The following CNOT8 variants were observed in gnomAD, a reference collection of about 807,000 sequenced individuals.
CNOT8 encodes CCR4-NOT transcription complex subunit 8.
A neutral mutation model predicts 34.6 loss-of-function variants in CNOT8; 18 were observed. That is an observed-to-expected ratio of 0.52 (90% CI 0.36 to 0.77). The LOEUF (loss-of-function observed/expected upper bound fraction) is 0.77, where lower values mean the gene tolerates loss of function less well. Among genes scored for constraint, CNOT8 ranks in the 30% least tolerant of loss-of-function variants. The pLI, the probability that CNOT8 is intolerant of heterozygous loss-of-function variation, is 0.00. For missense variants in CNOT8, 189 were observed against 347.9 expected, an observed-to-expected ratio of 0.54 and a Z score of 3.63; for synonymous variants, 101 against 118.8, an observed-to-expected ratio of 0.85 and a Z score of 0.98.
intron 4 of CNOT8, 100 bp from the exon 5 acceptor site, chr5:154,871,630 A>G: frequency 9.1e-7 from 1 of 1,103,296 alleles, no homozygotes; most frequent in South Asian, 1.5e-5. Flanking sequence ...GAAAGTTCCT[A>G]ACATGAAGTA....
intron 3 of CNOT8, among the ~76,000 whole-genome samples, chr5:154,869,121 T>C (rs1484428526): frequency 6.6e-6 from 1 of 151,794 alleles, no homozygotes; most frequent in Admixed American, 6.6e-5. Context: ...TTTTTGTTGG[T>C]TTATTTTTTT....
intron 3 of CNOT8, among the ~76,000 whole-genome samples, chr5:154,870,098 TAGA>T (rs1762335358): frequency 6.6e-6 from 1 of 152,178 alleles, no homozygotes; most frequent in African/African-American, 2.4e-5. Flanking sequence ...CTCTGTCACC[TAGA>T]CTAGAGTGCA....
At chr5:154,872,213 T>C (rs1232497350) in intron 5 of CNOT8, among the ~76,000 whole-genome samples, 3 of 152,208 alleles carry the variant, frequency 2.0e-5, no homozygotes, top group Admixed American at 6.5e-5. Context: ...GTTTTAGAAC[T>C]TGGTACCGTA....
At chr5:154,874,613 C>T (rs996352217) in intron 6 of CNOT8, among the ~76,000 whole-genome samples, 2 of 152,084 alleles carry the variant, frequency 1.3e-5, no homozygotes, top group Non-Finnish European at 2.9e-5. Flanking sequence ...CAGTTCACTG[C>T]AACCTCTGCC....
In CNOT8 at chr5:154,865,408, C is replaced by T. The variant is rs201058556; in HGVS notation, c.311+23C>T. The stretch of plus-strand genomic sequence containing the variant: ...TACGTAAGTGATTTCTAAATAAATG[C>T]GTTAATTTTAAGTTTTGTTTTCACT... On this transcript the variant is annotated intron_variant, in intron 3 of 6. Transcript: ENST00000285896. 557 of 1,543,044 alleles carry T rather than the reference C, an allele frequency of 3.6e-4. 4 individuals carry two copies. The South Asian group carries it at 5.6e-3, about 16-fold the overall frequency.
At chr5:154,864,876 C>CA (rs1348223174) in intron 2 of CNOT8, among the ~76,000 whole-genome samples, 5 of 151,914 alleles carry the variant, frequency 3.3e-5, no homozygotes, top group African/African-American at 7.3e-5. Context: ...CCCATCTCTA[C>CA]AAAAAAATAC....
chr5:154,863,723 A>G (rs1761580948), intron 2 of CNOT8, among the ~76,000 whole-genome samples: 1 of 152,206 alleles, frequency 6.6e-6, no homozygotes, highest in Non-Finnish European at 1.5e-5. Context: ...ATGAAATATC[A>G]AGGTAGCCAG....
At chr5:154,860,969 C>T (rs540571770) in intron 1 of CNOT8, among the ~76,000 whole-genome samples, 1 of 152,104 alleles carries the variant, frequency 6.6e-6, no homozygotes, top group Admixed American at 6.6e-5. Context: ...CTCTCAAAAA[C>T]TCAGGAGTGA....
chr5:154,872,671 A>G lies in CNOT8; in HGVS notation c.729+20A>G. The G allele has an allele frequency of 6.7e-7, 1 of 1,497,546 alleles. No individual in the cohort carries two copies. Among genetic ancestry groups the G allele is most frequent in the South Asian group, 1.1e-5 (1 of 87,352 alleles). 92.8% of individuals were successfully genotyped at this position (1,497,546 alleles called of 1,614,324 possible). The stretch of plus-strand genomic sequence containing the variant: ...AAAGAGGTAAGCTTCCTTGAATGTG[A>G]TCACAGGCCTCTCGGCAGTAACTTG... On this transcript the variant is annotated intron_variant, in intron 6 of 6. Coordinates refer to ENST00000285896, the MANE Select transcript of CNOT8 (RefSeq NM_001301073.2).
At chr5:154,874,374 C>T (rs544202395) in intron 6 of CNOT8, among the ~76,000 whole-genome samples, 15 of 151,720 alleles carry the variant, frequency 9.9e-5, no homozygotes, top group Admixed American at 3.3e-4. Flanking sequence ...GTCAGGAGTT[C>T]GAGACCAGCC....
intron 6 of CNOT8, among the ~76,000 whole-genome samples, chr5:154,872,969 A>G (rs1164666575): frequency 6.6e-6 from 1 of 152,098 alleles, no homozygotes; most frequent in African/African-American, 2.4e-5. Context: ...GGGTTTCGCC[A>G]TGTTGGCCAG....
At chr5:154,870,237 T>A (rs1165072947) in intron 3 of CNOT8, among the ~76,000 whole-genome samples, 1 of 145,932 alleles carries the variant, frequency 6.9e-6, no homozygotes, top group Non-Finnish European at 1.5e-5. Context: ...TGTGTGTGTG[T>A]TGTTTTTTTT....
In CNOT8 at chr5:154,871,581, A is replaced by T. The variant is rs933750635; in HGVS notation, c.474-149A>T. ...TCTCAAAAAAAAAAAAAAAAAAAAA[A>T]GATTCAGATTATAGTACGATAAACT... On this transcript the variant is annotated intron_variant, in intron 4 of 6. Coordinates refer to ENST00000285896, the MANE Select transcript of CNOT8 (RefSeq NM_001301073.2). The T allele has an allele frequency of 7.9e-5, 45 of 573,230 alleles. No individual in the cohort carries two copies. The African/African-American group carries it at 8.0e-4, about 10-fold the overall frequency. The allele number at this position is 573,230 out of a possible 1,614,324, so 35.5% of individuals were successfully genotyped here.
At chr5:154,870,866 A>G (rs1451300307) in intron 4 of CNOT8, 44 bp downstream of exon 4, 1 of 1,519,602 alleles carries the variant, frequency 6.6e-7, no homozygotes, top group Non-Finnish European at 9.0e-7. Context: ...TTTGGGCTAC[A>G]CTGAAGCAGG....
chr5:154,863,524 G>A, intron 2 of CNOT8, 129 bp downstream of exon 2: 2 of 710,406 alleles, frequency 2.8e-6, no homozygotes, highest in South Asian at 3.1e-5. Flanking sequence ...TGAACTCCTG[G>A]GCTCAAGCAG....
chr5:154,867,783 G>T (rs1353726855), intron 3 of CNOT8: 1 of 187,864 alleles, frequency 5.3e-6, no homozygotes, highest in African/African-American at 2.4e-5. Flanking sequence ...ACATTTCTAG[G>T]AAATACGAGG....
upstream of CNOT8, chr5:154,858,489 G>GGCGC (rs562127093): frequency 6.6e-6 from 1 of 152,124 alleles, no homozygotes; most frequent in Non-Finnish European, 1.5e-5. Flanking sequence ...GGCGTGACCA[G>GGCGC]GCGCGCGCGC....
At chr5:154,861,790 C>G (rs557166930) in intron 1 of CNOT8, among the ~76,000 whole-genome samples, 232 of 152,316 alleles carry the variant, frequency 1.5e-3, no homozygotes, top group Non-Finnish European at 3.1e-3. Flanking sequence ...CCTCTGCCTC[C>G]TGGGTTCAAG....
chr5:154,863,678 T>C (rs1761577521), intron 2 of CNOT8, among the ~76,000 whole-genome samples: 2 of 152,168 alleles, frequency 1.3e-5, no homozygotes, highest in Non-Finnish European at 2.9e-5. Context: ...CTAAAGCCAT[T>C]GTAAATTAAA....
Sources: gnomAD v4.1 joint callset for allele counts (sites outside exome capture counted in the v4.1 genomes callset) on GRCh38, gnomAD v4.1.1 for gene constraint, MANE v1.5 for transcripts, NCBI Gene and HGNC (gene_info 2026-07-23, HGNC 2026-07-21) for gene names.